The following FAH variants were observed in gnomAD, a reference collection of about 807,000 sequenced individuals.
The protein encoded by FAH is fumarylacetoacetase.
A neutral mutation model predicts 55.8 loss-of-function variants in FAH; 47 were observed. The observed-to-expected ratio is 0.84, with a 90% CI of 0.67 to 1.07. FAH has a LOEUF of 1.07. Ranked by LOEUF, FAH falls within the 50% of genes least tolerant of loss-of-function variation. The pLI is 0.00. For missense variants in FAH, 495 were observed against 545.9 expected, an observed-to-expected ratio of 0.91 and a Z score of 0.93; for synonymous variants, 199 against 207.7, an observed-to-expected ratio of 0.96 and a Z score of 0.36.
At chr15:80,157,375 G>C (rs998935827) in intron 1 of FAH, 1 of 156,188 alleles carries the variant, frequency 6.4e-6, no homozygotes, top group Non-Finnish European at 1.4e-5. Context: ...CTGGGAAGTT[G>C]AGTCTGCAAA....
intron 2 of FAH, among the ~76,000 whole-genome samples, chr15:80,159,217 G>T (rs565772600): frequency 2.0e-4 from 29 of 141,564 alleles, no homozygotes; most frequent in African/African-American, 7.5e-4. Flanking sequence ...CAGCCTGGGT[G>T]ACAGAATGGG....
intron 2 of FAH, 78 bp from the exon 3 acceptor site, chr15:80,159,678 G>C (rs2041130511): frequency 6.4e-7 from 1 of 1,569,246 alleles, no homozygotes; most frequent in Admixed American, 1.7e-5. Flanking sequence ...TGGCAGGCTG[G>C]CTGGCCTTCC....
At chr15:80,184,928 G>A (rs111278770) in intron 13 of FAH, among the ~76,000 whole-genome samples, 3 of 152,122 alleles carry the variant, frequency 2.0e-5, no homozygotes, top group South Asian at 2.1e-4. Flanking sequence ...CATGCTGCTC[G>A]CTCAGCACCT....
chr15:80,169,897 G>C (rs575666060), intron 7 of FAH, among the ~76,000 whole-genome samples: 1 of 152,222 alleles, frequency 6.6e-6, no homozygotes, highest in Non-Finnish European at 1.5e-5. Context: ...ACATGCAGTT[G>C]TGAGAAATAG....
At chr15:80,164,119 A>G (rs1305214970) in intron 5 of FAH, among the ~76,000 whole-genome samples, 5 of 152,264 alleles carry the variant, frequency 3.3e-5, no homozygotes, top group Non-Finnish European at 7.3e-5. Context: ...CTTAAAACAC[A>G]AATATATTCT....
chr15:80,171,425 A>T (rs2041239790), intron 7 of FAH, among the ~76,000 whole-genome samples: 1 of 152,212 alleles, frequency 6.6e-6, no homozygotes, highest in Non-Finnish European at 1.5e-5. Flanking sequence ...GTTCTCACTC[A>T]TAGGTGGGAA....
At chr15:80,172,848 G>A (rs2041252204) in intron 8 of FAH, among the ~76,000 whole-genome samples, 166 bp from the exon 9 acceptor site, 1 of 152,136 alleles carries the variant, frequency 6.6e-6, no homozygotes, top group Admixed American at 6.5e-5. Flanking sequence ...TCTGTCCTTG[G>A]CATTGAATGC....
At position 80,160,474 on chromosome 15, in the gene FAH, T is replaced by C; in HGVS notation, c.364+15T>C. 6.2e-7 allele frequency: 1 copy of C among 1,613,740 alleles called. No individual in the cohort carries two copies. Among genetic ancestry groups the C allele is most frequent in the East Asian group, 2.2e-5 (1 of 44,884 alleles). On this transcript the variant is annotated intron_variant, in intron 4 of 13. Transcript: ENST00000561421. Reference sequence around the variant, plus strand: ...AGCCACCATAGGTGAGTGCAGTCTCTTCACCAAGATAAGAACGGAGCAGCT... The same window carrying C: ...AGCCACCATAGGTGAGTGCAGTCTCCTCACCAAGATAAGAACGGAGCAGCT...
intron 4 of FAH, 134 bp from the exon 5 acceptor site, chr15:80,162,112 T>C (rs1036290301): frequency 1.3e-6 from 1 of 765,592 alleles, no homozygotes; most frequent in African/African-American, 1.7e-5. Context: ...GGTGCTGCCA[T>C]TGCTGGCTGC....
At chr15:80,174,215 A>G (rs1266305490) in intron 9 of FAH, among the ~76,000 whole-genome samples, 1 of 152,100 alleles carries the variant, frequency 6.6e-6, no homozygotes, top group Admixed American at 6.5e-5. Flanking sequence ...TAGGGCTGCA[A>G]GGCCACAGCC....
rs750572597 is a variant in FAH at position 80,173,066 on chromosome 15, G to A, written c.759G>A (p.Lys253=). The change falls in exon 9 of 14, where the codon AAG becomes AAA. Residue 253 remains lysine, a synonymous_variant. Transcript: ENST00000561421. ...TCCCTCTCGGGCCATTCCTTGGGAA[G>A]AGTTTTGGGACCACTGTCTCTCCGT... ...EYVPLGPFLG[K]SFGTTVSPWV... The A allele has an allele frequency of 1.9e-6, 3 of 1,614,130 alleles. No individual in the cohort carries two copies. In the East Asian group the frequency reaches 6.7e-5, roughly 36 times the overall value.
chr15:80,160,543 G>A (rs1263628667), intron 4 of FAH, 84 bp downstream of exon 4: 1 of 1,363,106 alleles, frequency 7.3e-7, no homozygotes, highest in East Asian at 2.3e-5. Context: ...TTCTGCATCT[G>A]TGTGGAGGGT....
intron 10 of FAH, chr15:80,177,264 C>G: frequency 2.1e-6 from 1 of 484,954 alleles, no homozygotes; most frequent in Non-Finnish European, 3.8e-6. Context: ...AAGAAGGATT[C>G]TGAGGCTACA....
chr15:80,161,714 G>C (rs1378995138), intron 4 of FAH, among the ~76,000 whole-genome samples: 4 of 152,218 alleles, frequency 2.6e-5, no homozygotes, highest in Non-Finnish European at 5.9e-5. Context: ...TAGCAAAGAT[G>C]TGCACACACA....
chr15:80,172,725 T>A (rs921409527), intron 8 of FAH, among the ~76,000 whole-genome samples: 1 of 152,210 alleles, frequency 6.6e-6, no homozygotes. Flanking sequence ...CCCCAGAAAG[T>A]GTCTCTCTCA....
Position 80,158,143 on chromosome 15 carries a change from C to T in FAH, c.165C>T (p.Leu55=), listed in dbSNP as rs28733633. 1.5e-3 allele frequency: 2,393 copies of T among 1,613,854 alleles called. 31 individuals are homozygous for T. In the African/African-American group the frequency reaches 0.026, roughly 17 times the overall value. The change falls in exon 2 of 14, where the codon CTC becomes CTT. Residue 55 remains leucine (L), a synonymous_variant. Coordinates refer to ENST00000561421, the MANE Select transcript of FAH (RefSeq NM_000137.4). ...IIKHLFTGPV[L]SKHQDVFNQP... is the part of the protein sequence containing the mutation. ...AGCACCTCTTTACTGGTCCTGTCCT[C>T]TCCAAACACCAGGATGTCTTCAATC...
At chr15:80,186,566 A>C (rs2041373306), downstream of FAH, 5 of 348,516 alleles carry the variant, frequency 1.4e-5, no homozygotes, top group Non-Finnish European at 2.2e-5. Context: ...CCAGAGAAAT[A>C]GAACCAAGGA....
intron 1 of FAH, among the ~76,000 whole-genome samples, chr15:80,154,657 A>C (rs2041083070): frequency 6.6e-6 from 1 of 152,270 alleles, no homozygotes. Flanking sequence ...CCATGTCAGC[A>C]GTCAGCCTTT....
chr15:80,160,267 T>G (rs1015400433), intron 3 of FAH, 143 bp from the exon 4 acceptor site: 17 of 830,462 alleles, frequency 2.0e-5, no homozygotes, highest in Non-Finnish European at 2.3e-5. Context: ...TGTGAAAGGT[T>G]CAGCATAGCT....
Sources: allele counts gnomAD v4.1 joint callset (sites outside exome capture counted in the v4.1 genomes callset), GRCh38; gene constraint gnomAD v4.1.1; transcripts MANE v1.5; gene names NCBI Gene and HGNC (gene_info 2026-07-23, HGNC 2026-07-21).